Variants in POLRMT observed in about 807,000 individuals in gnomAD.
The protein encoded by POLRMT is RNA polymerase mitochondrial.
A neutral mutation model predicts 132.2 loss-of-function variants in POLRMT; 114 were observed. The observed-to-expected ratio is 0.86, with a 90% CI of 0.74 to 1.01. The LOEUF is 1.01. Ranked by LOEUF, POLRMT falls within the 50% of genes least tolerant of loss-of-function variation. The probability of loss-of-function intolerance (pLI) is 0.00; values close to 1 mark genes in which losing one functional copy is unlikely to be tolerated. For synonymous variants in POLRMT, 1,020 were observed against 773.4 expected (o/e 1.32, Z -5.29); for missense variants, 2,003 against 1,729.1 (o/e 1.16, Z -2.81).
At chr19:617,358 G>C (rs368487603) in intron 20 of POLRMT, 35 bp from the exon 21 acceptor site, 3 of 1,612,430 alleles carry the variant, frequency 1.9e-6, no homozygotes, top group Admixed American at 1.7e-5. Flanking sequence ...CGTGGGTGGC[G>C]GGAAAGCCCC....
intron 16 of POLRMT, 36 bp downstream of exon 16, chr19:618,668 AC>A (rs1984221921): frequency 6.2e-7 from 1 of 1,603,106 alleles, no homozygotes; most frequent in African/African-American, 1.3e-5. Context: ...TGCTCTCCAG[AC>A]CCCCGGCCAG....
At chr19:626,861 G>A (rs576849061) in intron 3 of POLRMT, among the ~76,000 whole-genome samples, 1 of 145,448 alleles carries the variant, frequency 6.9e-6, no homozygotes, top group South Asian at 2.2e-4. Flanking sequence ...GCTGTCGACA[G>A]ACTTGGAGAC....
At position 617,666 on chromosome 19, in the gene POLRMT, G is replaced by T. The variant is rs768669931; in HGVS notation, c.3496-11C>A. On this transcript the variant is annotated splice_polypyrimidine_tract_variant and intron_variant, in intron 18 of 20. Transcript: ENST00000588649. The stretch of plus-strand genomic sequence containing the variant: ...CTGCTCCCGGCACACCTGGGCAGGA[G>T]TCAGAGGATCCCCAGGGGTGATCAG... 6.2e-7 allele frequency: 1 copy of T among 1,612,550 alleles called. No homozygotes were observed. The highest frequency in any genetic ancestry group is 2.2e-5 in the East Asian group (1 of 44,886).
chr19:622,248 C>G lies in POLRMT; in HGVS notation c.1752G>C (p.Val584=), dbSNP rs1174624015. 1.3e-6 allele frequency: 2 copies of G among 1,561,690 alleles called. No homozygotes were observed. The highest frequency in any genetic ancestry group is 8.7e-7 in the Non-Finnish European group (1 of 1,154,898). Reference sequence around the variant, plus strand: ...GGCTGCATGGCATCTGCGTAGCCTGCACCAGCATCTCCGCCAGCAGCTTGC... The same window carrying G: ...GGCTGCATGGCATCTGCGTAGCCTGGACCAGCATCTCCGCCAGCAGCTTGC... ...ELGKLLAEML[V]QATQMPCSLD... The change falls in exon 9 of 21, where the codon GTG becomes GTC. Residue 584 remains valine, a synonymous_variant. Transcript: ENST00000588649.
rs1331717613 is a variant in POLRMT at position 617,336 on chromosome 19, C to A, written c.3644-13G>T. On this transcript the variant is annotated splice_polypyrimidine_tract_variant and intron_variant, in intron 20 of 20. Coordinates refer to ENST00000588649, the MANE Select transcript of POLRMT (RefSeq NM_005035.4). ...AGGTCGAAGGCCCCTGCGGAGGAAGCAGAGCGGACGGCGTGGGTGGCGGGA... is the reference window on the plus strand; with the variant it reads ...AGGTCGAAGGCCCCTGCGGAGGAAGAAGAGCGGACGGCGTGGGTGGCGGGA... 2 of 1,612,730 alleles carry A rather than the reference C, an allele frequency of 1.2e-6. No individual in the cohort carries two copies. The highest frequency in any genetic ancestry group is 4.5e-5 in the East Asian group (2 of 44,888).
In POLRMT at chr19:621,439, G is replaced by A. The variant is rs1390750340; in HGVS notation, c.2259C>T (p.Ala753=). Residue 753 remains alanine (A), a synonymous_variant, in exon 10 of 21, where the codon GCC becomes GCT. Coordinates refer to ENST00000588649, the MANE Select transcript of POLRMT (RefSeq NM_005035.4). ...GCTCACGGCGCAGCTCGGCCTTGCG[G>A]GCGGGCGCGGCGCTGTGCGGCAGGT... ...EAHLPHSAAP[A]RKAELRRELA... 2.1e-6 allele frequency: 3 copies of A among 1,440,338 alleles called. No individual in the cohort carries two copies. Among genetic ancestry groups the A allele is most frequent in the East Asian group, 2.9e-5 (1 of 34,256 alleles). 89.2% of individuals were successfully genotyped at this position (1,440,338 alleles called of 1,614,324 possible).
At chr19:628,010 A>C (rs559610432) in intron 3 of POLRMT, among the ~76,000 whole-genome samples, 6 of 151,220 alleles carry the variant, frequency 4.0e-5, no homozygotes, top group Admixed American at 3.3e-4. Flanking sequence ...ATAAAAATTA[A>C]AACAATTATC....
At chr19:630,984 C>G (rs900054938) in intron 2 of POLRMT, among the ~76,000 whole-genome samples, 10 of 151,982 alleles carry the variant, frequency 6.6e-5, no homozygotes, top group Admixed American at 1.3e-4. Flanking sequence ...ATGGTGAAAC[C>G]CCGTCTCTAT....
chr19:619,359 C>A (rs1568375755), intron 13 of POLRMT, 63 bp from the exon 14 acceptor site: 2 of 1,549,302 alleles, frequency 1.3e-6, no homozygotes, highest in African/African-American at 2.7e-5. Context: ...CCTACTCCCC[C>A]CTATTTCAGA....
chr19:619,958 C>T lies in POLRMT; in HGVS notation c.2886G>A (p.Gln962=). The T allele has an allele frequency of 1.2e-6, 2 of 1,602,116 alleles. No individual in the cohort carries two copies. The highest frequency in any genetic ancestry group is 1.3e-5 in the African/African-American group (1 of 74,988). The change falls in exon 12 of 21, where the codon CAG becomes CAA. Residue 962 remains glutamine (Q), a splice_region_variant and synonymous_variant. Transcript: ENST00000588649. ...CCCCGGGCAGCAGGGCACACCCTAC[C>T]TGCGCGGCCACGCCGCTGTACACGT... ...PQDVYSGVAA[Q]VEVFRRQDAQ...
In POLRMT at chr19:619,114, T is replaced by TGGGACACAGGCCGTCTCAGGGCAG; in HGVS notation, c.3154-28_3154-5dup. 6.2e-7 allele frequency: 1 copy of TGGGACACAGGCCGTCTCAGGGCAG among 1,611,502 alleles called. No homozygotes were observed. Among genetic ancestry groups the TGGGACACAGGCCGTCTCAGGGCAG allele is most frequent in the Non-Finnish European group, 8.5e-7 (1 of 1,179,186 alleles). ...GGGCACTCTCGGTCAGCCAGTGCTG[T>TGGGACACAGGCCGTCTCAGGGCAG]GGGACACAGGCCGTCTCAGGGCAGG... On this transcript the variant is annotated splice_polypyrimidine_tract_variant and splice_region_variant and intron_variant, in intron 14 of 20. Transcript: ENST00000588649.
rs144770419 is a variant in POLRMT, at chr19:623,518, G to A, written c.1226C>T (p.Ala409Val). The change falls in exon 6 of 21, where the codon GCC becomes GTC. Residue 409 changes from alanine (A) to valine (V), a missense_variant. Coordinates refer to ENST00000588649, the MANE Select transcript of POLRMT (RefSeq NM_005035.4). ...LFEKQLHMELASRVCVVSVEK... is the reference protein window; with the variant it reads ...LFEKQLHMELVSRVCVVSVEK... ...CACGGACACCACGCACACCCTGCTG[G>A]CCAGCTCCATGTGGAGCTGCTTCTC... 44 of 1,613,420 alleles carry A rather than the reference G, an allele frequency of 2.7e-5. No homozygotes were observed. The African/African-American group carries it at 5.5e-4, about 20-fold the overall frequency.
chr19:625,417 G>C, intron 3 of POLRMT, 163 bp from the exon 4 acceptor site: 1 of 904,310 alleles, frequency 1.1e-6, no homozygotes. Flanking sequence ...CTGAGGTTCT[G>C]ACACACAAGC....
chr19:620,045 A>G lies in POLRMT; in HGVS notation c.2799T>C (p.Ala933=), dbSNP rs779717512. 17 of 1,554,376 alleles carry G rather than the reference A, an allele frequency of 1.1e-5. No homozygotes were observed. The Admixed American group carries it at 2.9e-4, about 26-fold the overall frequency. The change falls in exon 12 of 21, where the codon GCT becomes GCC. Residue 933 remains alanine, a synonymous_variant. Coordinates refer to ENST00000588649, the MANE Select transcript of POLRMT (RefSeq NM_005035.4). Reference sequence around the variant, plus strand: ...CGGCGCCCACGCTGTCGCGGCCCAGAGCAGCATAATGCTGCAGGCCGTTGC... The same window carrying G: ...CGGCGCCCACGCTGTCGCGGCCCAGGGCAGCATAATGCTGCAGGCCGTTGC... ...GSCNGLQHYA[A]LGRDSVGAAS... is the part of the protein sequence containing the mutation.
chr19:624,966 C>G, intron 4 of POLRMT, 61 bp from the exon 5 acceptor site: 10 of 1,552,150 alleles, frequency 6.4e-6, no homozygotes, highest in Non-Finnish European at 8.7e-6. Flanking sequence ...TCCACAGACC[C>G]CAGGGGAACC....
intron 3 of POLRMT, among the ~76,000 whole-genome samples, chr19:628,346 A>C (rs1985169083): frequency 6.6e-6 from 1 of 152,194 alleles, no homozygotes; most frequent in Non-Finnish European, 1.5e-5. Flanking sequence ...CACGACCCTC[A>C]TCCTCAGTCC....
chr19:625,387 G>A, intron 3 of POLRMT, 133 bp from the exon 4 acceptor site: 1 of 1,241,332 alleles, frequency 8.1e-7, no homozygotes, highest in Non-Finnish European at 1.1e-6. Context: ...GTGGCCAGCT[G>A]GGCAGACCGA....
chr19:625,096 G>C, intron 4 of POLRMT, 28 bp downstream of exon 4: 1 of 1,603,940 alleles, frequency 6.2e-7, no homozygotes. Context: ...ACATGGTGGG[G>C]GGTGGGGGCC....
intron 17 of POLRMT, chr19:618,067 C>T (rs62132649): frequency 0.075 from 44,307 of 587,750 alleles, 1,952 homozygotes; most frequent in Non-Finnish European, 0.092. Flanking sequence ...CTCGCCCCAC[C>T]CCTGCCGCCC....
Sources: allele counts gnomAD v4.1 joint callset (sites outside exome capture counted in the v4.1 genomes callset), GRCh38; gene constraint gnomAD v4.1.1; transcripts MANE v1.5; gene names NCBI Gene and HGNC (gene_info 2026-07-23, HGNC 2026-07-21).